Variants in TG observed in about 807,000 individuals in gnomAD.
TG encodes the protein thyroglobulin, also known as thyroid hormones.
A neutral mutation model predicts 324.7 loss-of-function variants in TG; 270 were observed. The ratio of observed to expected loss-of-function variants is 0.83; its 90% CI spans 0.75 to 0.92. The LOEUF is 0.92. Ranked by LOEUF, TG falls within the 40% of genes least tolerant of loss-of-function variation. The pLI is 0.00. For missense variants in TG, 3,591 were observed against 3,456.4 expected (o/e 1.04, Z -0.98); for synonymous variants, 1,401 against 1,327.0 (o/e 1.06, Z -1.21).
In TG at chr8:132,913,395, A is replaced by C. The variant is rs1412072524; in HGVS notation, c.4378+130A>C. On this transcript the variant is annotated intron_variant, in intron 20 of 47. Coordinates refer to ENST00000220616, the MANE Select transcript of TG (RefSeq NM_003235.5). Reference sequence around the variant, plus strand: ...AACCATCCATTTAGTTAACGAGCAAAAGTTTTCAATCATCTACTATGCATG... The same window carrying C: ...AACCATCCATTTAGTTAACGAGCAACAGTTTTCAATCATCTACTATGCATG... The C allele has an allele frequency of 2.6e-5, 25 of 955,572 alleles. No individual in the cohort carries two copies. The Admixed American group carries it at 4.8e-4, about 18-fold the overall frequency. The allele number at this position is 955,572 out of a possible 1,614,324, so 59.2% of individuals were successfully genotyped here.
rs749308183 is a variant in TG, at chr8:132,869,833, G to A, written c.274+7G>A. The A allele has an allele frequency of 1.2e-6, 2 of 1,613,280 alleles. No homozygotes were observed. Among genetic ancestry groups the A allele is most frequent in the Non-Finnish European group, 1.7e-6 (2 of 1,179,654 alleles). ...CCAGGACGGCCTGTGGCTTGTAAGT[G>A]GGAGTGGGGGACGTCCCTTGGAGGG... On this transcript the variant is annotated splice_region_variant and intron_variant, in intron 3 of 47. Transcript: ENST00000220616.
chr8:132,940,209 C>G (rs181066633), intron 25 of TG, among the ~76,000 whole-genome samples: 1 of 152,116 alleles, frequency 6.6e-6, no homozygotes, highest in Non-Finnish European at 1.5e-5. Context: ...GCCAGACTGA[C>G]GGGAGGTCAG....
Position 132,893,912 on chromosome 8 carries a change from G to C in TG, c.2984G>C (p.Arg995Pro), listed in dbSNP as rs1208011283. 2 of 1,614,032 alleles carry C rather than the reference G, an allele frequency of 1.2e-6. No homozygotes were observed. The highest frequency in any genetic ancestry group is 1.7e-6 in the Non-Finnish European group (2 of 1,179,940). Reference sequence around the variant, plus strand: ...CTGCGTGGGAGTGATTACGCCATTCGCCTGGCGGCTCAGTCTAGTGAGTGT... The same window carrying C: ...CTGCGTGGGAGTGATTACGCCATTCCCCTGGCGGCTCAGTCTAGTGAGTGT... ...QFLRGSDYAI[R>P]LAAQSTLSFY... The change falls in exon 11 of 48, where the codon CGC becomes CCC. Residue 995 changes from arginine (R) to proline (P), a missense_variant. Transcript: ENST00000220616.
chr8:133,048,329 T>C (rs745466547), intron 41 of TG, among the ~76,000 whole-genome samples: 7 of 152,146 alleles, frequency 4.6e-5, no homozygotes, highest in Admixed American at 2.0e-4. Flanking sequence ...CAAGTGATTC[T>C]CCTGCCTCAG....
chr8:133,134,747 G>T lies in TG; in HGVS notation c.8260G>T (p.Asp2754Tyr), dbSNP rs754857798. ...GACGGCTGGATCTGGGCTAAGAGAA[G>T]ATCTCCTAAGCCTCCAGGAACCAGG... ...ELTAGSGLRE[D>Y]LLSLQEPGSK... The change falls in exon 48 of 48, where the codon GAT becomes TAT. Residue 2754 changes from aspartate to tyrosine, a missense_variant. Transcript: ENST00000220616. The T allele has an allele frequency of 5.0e-6, 8 of 1,614,020 alleles. No individual in the cohort carries two copies. The highest frequency in any genetic ancestry group is 4.0e-5 in the African/African-American group (3 of 74,902).
At chr8:133,090,238 A>G (rs1378241689) in intron 41 of TG, 1 of 152,246 alleles carries the variant, frequency 6.6e-6, no homozygotes, top group East Asian at 1.9e-4. Flanking sequence ...CTAGAGGCCC[A>G]GTGGTCTGGT....
chr8:133,088,681 A>C (rs1248838304), intron 41 of TG, among the ~76,000 whole-genome samples: 1 of 152,242 alleles, frequency 6.6e-6, no homozygotes, highest in South Asian at 2.1e-4. Flanking sequence ...AATAGCATTC[A>C]CTAGGCCTTC....
At chr8:133,038,917 GC>G (rs1463623567) in intron 41 of TG, among the ~76,000 whole-genome samples, 1 of 152,124 alleles carries the variant, frequency 6.6e-6, no homozygotes, top group Non-Finnish European at 1.5e-5. Flanking sequence ...TCGCTCTGTT[GC>G]CCAGGCTGGA....
intron 2 of TG, among the ~76,000 whole-genome samples, chr8:132,868,719 C>T (rs1029618854): frequency 1.3e-5 from 2 of 152,328 alleles, no homozygotes; most frequent in Admixed American, 6.5e-5. Flanking sequence ...GGGTCGCTGT[C>T]TCCACATTGA....
intron 22 of TG, 94 bp from the exon 23 acceptor site, chr8:132,928,982 G>C: frequency 1.0e-6 from 1 of 978,896 alleles, no homozygotes; most frequent in Non-Finnish European, 1.7e-6. Flanking sequence ...GCTACGAATG[G>C]GTATTGACTG....
At chr8:133,018,082 A>G (rs1448909160) in intron 38 of TG, 85 bp downstream of exon 38, 15 of 1,344,090 alleles carry the variant, frequency 1.1e-5, no homozygotes, top group Non-Finnish European at 1.5e-5. Context: ...TCAGTAGCAG[A>G]GCAGTGCATT....
intron 20 of TG, among the ~76,000 whole-genome samples, chr8:132,916,138 G>C (rs1047907861): frequency 6.6e-6 from 1 of 152,178 alleles, no homozygotes; most frequent in African/African-American, 2.4e-5. Context: ...TCGAGTCCTA[G>C]CTCCAACACT....
At chr8:133,116,513 G>A (rs564951334) in intron 44 of TG, 96 bp from the exon 45 acceptor site, 1 of 1,123,820 alleles carries the variant, frequency 8.9e-7, no homozygotes, top group Non-Finnish European at 1.4e-6. Flanking sequence ...TGGGTTGGGG[G>A]CCCAGGGGGC....
At chr8:132,901,680 T>A in intron 16 of TG, 127 bp downstream of exon 16, 2 of 1,008,986 alleles carry the variant, frequency 2.0e-6, no homozygotes, top group Non-Finnish European at 2.8e-6. Flanking sequence ...AGGAGGGATG[T>A]AGTTGTGGTT....
At chr8:132,894,068 A>G (rs1401083321) in intron 11 of TG, 139 bp downstream of exon 11, 4 of 1,369,150 alleles carry the variant, frequency 2.9e-6, no homozygotes, top group Non-Finnish European at 4.1e-6. Flanking sequence ...GAAAAGGCAA[A>G]GTGGTTTGGG....
At chr8:132,911,613 T>G in intron 19 of TG, 80 bp downstream of exon 19, 1 of 1,219,504 alleles carries the variant, frequency 8.2e-7, no homozygotes, top group Non-Finnish European at 1.2e-6. Context: ...CAAATGGAGC[T>G]GGTGAAGAAG....
In TG at chr8:133,095,177, C is replaced by G. The variant is rs1302940843; in HGVS notation, c.7373C>G (p.Pro2458Arg). Reference protein sequence around the residue: ...QEVVSCLRQKPANVLNDAQTK... With the variant: ...QEVVSCLRQKRANVLNDAQTK... ...GTGGTGTCCTGCCTCCGCCAGAAGC[C>G]TGCCAATGTCCTCAATGATGCCCAG... Residue 2458 changes from proline (P) to arginine (R), a missense_variant, in exon 42 of 48, where the codon CCT (proline) becomes CGT (arginine). Coordinates refer to ENST00000220616, the MANE Select transcript of TG (RefSeq NM_003235.5). The G allele has an allele frequency of 6.2e-7, 1 of 1,614,220 alleles. No individual in the cohort carries two copies.
intron 35 of TG, among the ~76,000 whole-genome samples, chr8:133,007,667 TA>T (rs1834140950): frequency 6.6e-6 from 1 of 151,996 alleles, no homozygotes; most frequent in African/African-American, 2.4e-5. Context: ...TTTTGGACTA[TA>T]AAAATAGGAC....
At chr8:132,936,034 C>T (rs759815764) in intron 25 of TG, among the ~76,000 whole-genome samples, 170 bp downstream of exon 25, 99 of 152,308 alleles carry the variant, frequency 6.5e-4, no homozygotes, top group Non-Finnish European at 1.2e-3. Flanking sequence ...CAGCACAGCA[C>T]GCTCCTCAGG....
Sources: allele counts gnomAD v4.1 joint callset (sites outside exome capture counted in the v4.1 genomes callset), GRCh38; gene constraint gnomAD v4.1.1; transcripts MANE v1.5; gene names NCBI Gene and HGNC (gene_info 2026-07-23, HGNC 2026-07-21).